Variants in CSGALNACT1 observed in about 807,000 individuals in gnomAD.
The protein encoded by CSGALNACT1 is chondroitin sulfate N-acetylgalactosaminyltransferase 1.
In CSGALNACT1, 52 loss-of-function variants were observed where a neutral mutation model predicts 51.0. That is an observed-to-expected ratio of 1.02 (90% CI 0.82 to 1.29). The LOEUF is 1.29. Ranked by LOEUF, CSGALNACT1 falls within the 50% of genes most tolerant of loss-of-function variation. CSGALNACT1 has a pLI of 0.00. For synonymous variants in CSGALNACT1, 341 were observed against 254.4 expected (o/e 1.34, Z -3.24); for missense variants, 935 against 679.2 (o/e 1.38, Z -4.19).
rs4922049 is a variant in CSGALNACT1, at chr8:19,506,452, A to C, written c.-296-322T>G. Among the ~76,000 whole-genome samples the C allele has an allele frequency of 0.79, 120,347 of 152,166 alleles. 47,822 individuals are homozygous for C. The highest frequency in any genetic ancestry group is 0.85 in the Admixed American group (13,055 of 15,280). Reference sequence around the variant, plus strand: ...CTGGTAATTTCTGCATAGTGGCGCAAGTCCTGATGGTTAAAGGGAGAAAAG... The same window carrying C: ...CTGGTAATTTCTGCATAGTGGCGCACGTCCTGATGGTTAAAGGGAGAAAAG... On this transcript the variant is annotated intron_variant, in intron 3 of 9. Transcript: ENST00000454498.
At chr8:19,435,797 T>A (rs1425496011) in intron 6 of CSGALNACT1, among the ~76,000 whole-genome samples, 1 of 152,232 alleles carries the variant, frequency 6.6e-6, no homozygotes, top group African/African-American at 2.4e-5. Flanking sequence ...GAGAATCGAT[T>A]TGTATTTCTG....
At chr8:19,599,177 A>T (rs1264321891) in intron 2 of CSGALNACT1, among the ~76,000 whole-genome samples, 1 of 151,960 alleles carries the variant, frequency 6.6e-6, no homozygotes, top group African/African-American at 2.4e-5. Flanking sequence ...GGGAGCACAG[A>T]GAGCTAGCAT....
intron 1 of CSGALNACT1, among the ~76,000 whole-genome samples, chr8:19,667,059 G>GGAAAAGA (rs1285437541): frequency 6.8e-5 from 8 of 117,976 alleles, no homozygotes; most frequent in Admixed American, 1.8e-4. Flanking sequence ...AAGAAAGAAA[G>GGAAAAGA]AAAGAAAGAA....
chr8:19,547,661 G>C (rs1024707751), intron 3 of CSGALNACT1, among the ~76,000 whole-genome samples: 2 of 152,130 alleles, frequency 1.3e-5, no homozygotes, highest in Non-Finnish European at 2.9e-5. Context: ...CCAGTCTCGG[G>C]TATATCTTTA....
intron 4 of CSGALNACT1, among the ~76,000 whole-genome samples, chr8:19,475,528 T>C (rs1022887121): frequency 1.1e-4 from 16 of 152,144 alleles, no homozygotes; most frequent in African/African-American, 3.9e-4. Flanking sequence ...AGCATCAATC[T>C]TGTGCCACAC....
intron 3 of CSGALNACT1, among the ~76,000 whole-genome samples, chr8:19,516,623 C>G (rs1323590893): frequency 6.6e-6 from 1 of 152,174 alleles, no homozygotes; most frequent in Non-Finnish European, 1.5e-5. Context: ...CCGGTGTGAG[C>G]CTTGCTCTGT....
At chr8:19,406,124 C>G in intron 9 of CSGALNACT1, 55 bp from the exon 9 acceptor site, 2 of 1,605,772 alleles carry the variant, frequency 1.2e-6, no homozygotes, top group South Asian at 1.1e-5. Flanking sequence ...TTTTGCTTCC[C>G]TGAGTTGCAA....
intron 3 of CSGALNACT1, among the ~76,000 whole-genome samples, chr8:19,586,217 T>C (rs2046599416): frequency 6.6e-6 from 1 of 151,728 alleles, no homozygotes; most frequent in African/African-American, 2.4e-5. Flanking sequence ...ACAAAAATTA[T>C]CCGGGCGTGG....
chr8:19,464,890 C>T (rs191455273), intron 4 of CSGALNACT1, among the ~76,000 whole-genome samples: 7 of 152,138 alleles, frequency 4.6e-5, no homozygotes, highest in Middle Eastern at 3.2e-3. Context: ...GCACTACCGG[C>T]GGGAAGCAAC....
At chr8:19,664,525 C>T (rs535313631) in intron 1 of CSGALNACT1, among the ~76,000 whole-genome samples, 1 of 152,256 alleles carries the variant, frequency 6.6e-6, no homozygotes, top group Non-Finnish European at 1.5e-5. Context: ...AAAAAGACAC[C>T]TGCCCTCCTA....
chr8:19,614,488 C>T (rs538024379), intron 1 of CSGALNACT1, among the ~76,000 whole-genome samples: 7 of 152,158 alleles, frequency 4.6e-5, no homozygotes, highest in African/African-American at 1.7e-4. Flanking sequence ...TATCAATACA[C>T]AGATGAGTAA....
At chr8:19,552,396 A>C (rs992453119) in intron 3 of CSGALNACT1, among the ~76,000 whole-genome samples, 2 of 152,232 alleles carry the variant, frequency 1.3e-5, no homozygotes, top group African/African-American at 4.8e-5. Context: ...CACTCCTTAA[A>C]GGTAAAATGC....
intron 1 of CSGALNACT1, among the ~76,000 whole-genome samples, chr8:19,717,551 C>T (rs950007999): frequency 2.0e-5 from 3 of 152,292 alleles, no homozygotes; most frequent in Admixed American, 6.5e-5. Context: ...AGAACCATAA[C>T]GAATGGTCCC....
Position 19,549,996 on chromosome 8 carries a change from G to C in CSGALNACT1, c.-297+41164C>G, listed in dbSNP as rs9325858. On this transcript the variant is annotated intron_variant, in intron 3 of 9. Coordinates refer to ENST00000454498, the Ensembl canonical transcript of CSGALNACT1. ...TTTGTTTTTAATTCAGACTTCAATA[G>C]ATGTGTCCTGGAGTTGGTCTTTTTT... Among the ~76,000 whole-genome samples the C allele has an allele frequency of 6.1e-3, 927 of 152,228 alleles. 10 individuals carry two copies. The highest frequency in any genetic ancestry group is 0.021 in the African/African-American group (878 of 41,534).
intron 1 of CSGALNACT1, among the ~76,000 whole-genome samples, chr8:19,705,572 CAA>C (rs367857183): frequency 2.1e-3 from 324 of 152,050 alleles, no homozygotes; most frequent in African/African-American, 7.6e-3. Context: ...ACCATCTCTA[CAA>C]AAAATACAAA....
At chr8:19,699,459 A>G (rs2061747292) in intron 1 of CSGALNACT1, among the ~76,000 whole-genome samples, 1 of 152,244 alleles carries the variant, frequency 6.6e-6, no homozygotes. Flanking sequence ...TCAGCCTTAA[A>G]AAGGAAGGAA....
chr8:19,486,984 A>T (rs2073106835), intron 4 of CSGALNACT1, among the ~76,000 whole-genome samples: 1 of 152,134 alleles, frequency 6.6e-6, no homozygotes, highest in South Asian at 2.1e-4. Flanking sequence ...AGGATTTACT[A>T]CCTGTCCTCT....
At chr8:19,529,814 T>C (rs2082389931) in intron 3 of CSGALNACT1, among the ~76,000 whole-genome samples, 1 of 152,226 alleles carries the variant, frequency 6.6e-6, no homozygotes, top group African/African-American at 2.4e-5. Context: ...TCCTGTATAC[T>C]TTAAATCATC....
At chr8:19,715,648 C>G (rs1003222064) in intron 1 of CSGALNACT1, among the ~76,000 whole-genome samples, 13 of 152,092 alleles carry the variant, frequency 8.5e-5, no homozygotes, top group African/African-American at 3.1e-4. Flanking sequence ...TTTTTGCATG[C>G]CTAGTAATTT....
Sources: gnomAD v4.1 joint callset for allele counts (sites outside exome capture counted in the v4.1 genomes callset) on GRCh38, gnomAD v4.1.1 for gene constraint, MANE v1.5 for transcripts, NCBI Gene and HGNC (gene_info 2026-07-23, HGNC 2026-07-21) for gene names.